Variants in RALGPS2 observed in about 807,000 individuals in gnomAD.
RALGPS2 encodes ras-specific guanine nucleotide-releasing factor RalGPS2.
Under a neutral mutation model 86.8 loss-of-function variants are expected in RALGPS2, and 43 were observed. The ratio of observed to expected loss-of-function variants is 0.50; its 90% CI spans 0.39 to 0.64. The LOEUF (loss-of-function observed/expected upper bound fraction) is 0.64, where lower values mean the gene tolerates loss of function less well. Among genes scored for constraint, RALGPS2 ranks in the 30% least tolerant of loss-of-function variants. The probability of loss-of-function intolerance (pLI) is 0.00; values close to 1 mark genes in which losing one functional copy is unlikely to be tolerated. For missense variants in RALGPS2, 536 were observed against 694.6 expected, an observed-to-expected ratio of 0.77 and a Z score of 2.57; for synonymous variants, 243 against 231.3, an observed-to-expected ratio of 1.05 and a Z score of -0.46.
At chr1:178,903,079 C>G (rs1660244516) in intron 18 of RALGPS2, among the ~76,000 whole-genome samples, 1 of 152,080 alleles carries the variant, frequency 6.6e-6, no homozygotes, top group African/African-American at 2.4e-5. Flanking sequence ...TGCTTTTCTT[C>G]CATCATAACA....
chr1:178,758,381 A>G (rs1214763532), intron 1 of RALGPS2, among the ~76,000 whole-genome samples: 2 of 152,196 alleles, frequency 1.3e-5, no homozygotes, highest in Non-Finnish European at 2.9e-5. Flanking sequence ...TCAAGCATTT[A>G]TCCTTTGTTA....
In RALGPS2 at chr1:178,728,610, A is replaced by G. The variant is rs577557147; in HGVS notation, c.-84+3191A>G. Reference sequence around the variant, plus strand: ...TTAATTTTCAATGAAAGATAATTCAAATAGCTTGAAACTACCCCAGCCTGA... The same window carrying G: ...TTAATTTTCAATGAAAGATAATTCAGATAGCTTGAAACTACCCCAGCCTGA... On this transcript the variant is annotated intron_variant, in intron 1 of 19. Transcript: ENST00000367635. Among the ~76,000 whole-genome samples the G allele has an allele frequency of 2.0e-5, 3 of 152,238 alleles. No individual in the cohort carries two copies. The South Asian group carries it at 6.2e-4, about 32-fold the overall frequency.
At chr1:178,831,139 C>T (rs1181893720) in intron 7 of RALGPS2, among the ~76,000 whole-genome samples, 1 of 152,126 alleles carries the variant, frequency 6.6e-6, no homozygotes, top group African/African-American at 2.4e-5. Context: ...ACAGAACATT[C>T]AGAGTAGTGG....
At chr1:178,904,757 G>A (rs1660321722) in intron 18 of RALGPS2, among the ~76,000 whole-genome samples, 1 of 152,174 alleles carries the variant, frequency 6.6e-6, no homozygotes, top group African/African-American at 2.4e-5. Flanking sequence ...TGGCCTTACG[G>A]TATAGTTTGA....
In RALGPS2 at chr1:178,856,202, GATATAT is replaced by G. The variant is rs55797277; in HGVS notation, c.608-21269_608-21264del. On this transcript the variant is annotated intron_variant, in intron 8 of 19. Transcript: ENST00000367635. ...ACCTGTACTTTTCCAGAGAGAGAGA[GATATAT>G]ATATATATATATATATATATATATA... Among the ~76,000 whole-genome samples, 43 of 83,894 alleles carry G rather than the reference GATATAT, an allele frequency of 5.1e-4. 1 individual carries two copies. Among genetic ancestry groups the G allele is most frequent in the African/African-American group, 2.0e-3 (31 of 15,588 alleles). 55.0% of individuals were successfully genotyped at this position (83,894 alleles called of 152,430 possible).
rs575573127 is a variant in RALGPS2 at position 178,846,018 on chromosome 1, T to C, written c.607+12468T>C. On this transcript the variant is annotated intron_variant, in intron 8 of 19. Transcript: ENST00000367635. ...TGGTTTTCAGTCGTTTTTGCATATA[T>C]TGAATTGTTAAATATTCAGTAGAAT... Among the ~76,000 whole-genome samples, 8 of 152,334 alleles carry C rather than the reference T, an allele frequency of 5.3e-5. No individual in the cohort carries two copies. In the East Asian group the frequency reaches 1.5e-3, roughly 29 times the overall value.
chr1:178,862,715 A>G (rs534411713), intron 8 of RALGPS2, among the ~76,000 whole-genome samples: 3 of 152,052 alleles, frequency 2.0e-5, no homozygotes, highest in African/African-American at 7.2e-5. Flanking sequence ...AAAATGAGTG[A>G]ATTTGTTTTA....
chr1:178,773,063 A>C (rs1170180654), intron 1 of RALGPS2, among the ~76,000 whole-genome samples: 2 of 152,186 alleles, frequency 1.3e-5, no homozygotes. Context: ...CAGCTTTCCA[A>C]AGTGCTAGGA....
intron 1 of RALGPS2, among the ~76,000 whole-genome samples, chr1:178,770,947 T>G (rs1180567060): frequency 1.3e-5 from 2 of 150,306 alleles, no homozygotes; most frequent in African/African-American, 4.9e-5. Flanking sequence ...CAAGCTATTC[T>G]CCTGCCTCAG....
Position 178,849,420 on chromosome 1 carries a change from GGTTGTAT to G in RALGPS2, c.607+15875_607+15881del, listed in dbSNP as rs145416188. On this transcript the variant is annotated intron_variant, in intron 8 of 19. Coordinates refer to ENST00000367635, the MANE Select transcript of RALGPS2 (RefSeq NM_152663.5). ...TTTAGCATTCAGCCTAGTTTTCCAA[GGTTGTAT>G]GTTGACTTTCAAATTCTAGTTTTAA... is the stretch of plus-strand genomic sequence containing the variant. Among the ~76,000 whole-genome samples the G allele has an allele frequency of 6.7e-3, 1,013 of 152,300 alleles. 8 individuals carry two copies. The highest frequency in any genetic ancestry group is 0.023 in the African/African-American group (938 of 41,562).
chr1:178,900,475 ATT>A (rs1429723570), intron 17 of RALGPS2, among the ~76,000 whole-genome samples: 2 of 151,910 alleles, frequency 1.3e-5, no homozygotes, highest in Non-Finnish European at 1.5e-5. Flanking sequence ...TTAAATTGGT[ATT>A]GTTTTTGTGG....
chr1:178,902,195 G>A lies in RALGPS2; in HGVS notation c.1614G>A (p.Leu538=). 6.2e-7 allele frequency: 1 copy of A among 1,612,096 alleles called. No individual in the cohort carries two copies. The highest frequency in any genetic ancestry group is 8.5e-7 in the Non-Finnish European group (1 of 1,178,438). ...CTGAACATCCTGATCTCTTCCTGCTGACTGACTCTGAGAAAGGTGAATTGT... is the reference window on the plus strand; with the variant it reads ...CTGAACATCCTGATCTCTTCCTGCTAACTGACTCTGAGAAAGGTGAATTGT... The part of the protein sequence containing the change: ...DDPEHPDLFL[L]TDSEKGNSYK... Residue 538 remains leucine, a synonymous_variant, in exon 18 of 20, where the codon CTG becomes CTA. Coordinates refer to ENST00000367635, the MANE Select transcript of RALGPS2 (RefSeq NM_152663.5).
chr1:178,757,698 G>A (rs183502908), intron 1 of RALGPS2, among the ~76,000 whole-genome samples: 55 of 152,186 alleles, frequency 3.6e-4, no homozygotes, highest in African/African-American at 1.3e-3. Flanking sequence ...CTTGCTAGTC[G>A]TGTGTTGAAG....
At position 178,917,571 on chromosome 1, in the gene RALGPS2, T is replaced by C. The variant is rs1660854969; in HGVS notation, c.*1212T>C. On this transcript the variant is annotated 3_prime_UTR_variant, in exon 20 of 20. Transcript: ENST00000367635. ...ATCTAAACTTTATACTTGTATGATT[T>C]ACCATAAACATACCAAAACATTTTT... 6.6e-6 allele frequency: 1 copy of C among 152,186 alleles called. No homozygotes were observed. Among genetic ancestry groups the C allele is most frequent in the Non-Finnish European group, 1.5e-5 (1 of 68,008 alleles). The allele number at this position is 152,186 out of a possible 1,614,324, so 9.4% of individuals were successfully genotyped here.
chr1:178,764,896 T>C (rs1301385501), intron 1 of RALGPS2, among the ~76,000 whole-genome samples: 6 of 152,108 alleles, frequency 3.9e-5, no homozygotes, highest in African/African-American at 1.4e-4. Context: ...TGGTTTCTAA[T>C]GGTTTAGCAC....
intron 8 of RALGPS2, among the ~76,000 whole-genome samples, chr1:178,868,486 G>A (rs1558161946): frequency 6.6e-6 from 1 of 151,940 alleles, no homozygotes; most frequent in African/African-American, 2.4e-5. Flanking sequence ...AATGCAGGAA[G>A]TAATATAAAA....
chr1:178,890,320 T>C (rs1558173111), intron 14 of RALGPS2, among the ~76,000 whole-genome samples: 1 of 151,942 alleles, frequency 6.6e-6, no homozygotes, highest in Non-Finnish European at 1.5e-5. Context: ...GACCAAACAA[T>C]GCAAATAATT....
chr1:178,880,924 A>G (rs1378716696), intron 10 of RALGPS2, among the ~76,000 whole-genome samples: 1 of 152,222 alleles, frequency 6.6e-6, no homozygotes, highest in Admixed American at 6.5e-5. Context: ...GACATATCAT[A>G]TAATGCCTTC....
chr1:178,780,770 A>G (rs898478763), intron 2 of RALGPS2, among the ~76,000 whole-genome samples: 2 of 152,136 alleles, frequency 1.3e-5, no homozygotes, highest in Admixed American at 1.3e-4. Flanking sequence ...ACACACAAAA[A>G]GTTTTGTCTT....
Sources: allele counts gnomAD v4.1 joint callset (sites outside exome capture counted in the v4.1 genomes callset), GRCh38; gene constraint gnomAD v4.1.1; transcripts MANE v1.5; gene names NCBI Gene and HGNC (gene_info 2026-07-23, HGNC 2026-07-21).